Variants in ARL17A observed in about 807,000 individuals in gnomAD.
The protein encoded by ARL17A is ARF like GTPase 17A.
chr17:46,539,416 ATTT>A (rs926200262), intron 3 of ARL17A, among the ~76,000 whole-genome samples: 1 of 143,326 alleles, frequency 7.0e-6, no homozygotes, highest in South Asian at 2.2e-4. Context: ...AATTGGTCCT[ATTT>A]TTTTTTAACT....
chr17:46,525,693 G>A (rs2052648537), downstream of ARL17A, among the ~76,000 whole-genome samples: 1 of 117,638 alleles, frequency 8.5e-6, no homozygotes. Flanking sequence ...GGAAAACACT[G>A]GAATCACAGT....
At chr17:46,549,017 A>C, downstream of ARL17A, 1 of 1,612,356 alleles carries the variant, frequency 6.2e-7, no homozygotes, top group South Asian at 1.1e-5. Context: ...ACAAATACGA[A>C]GACGTCTAAA....
At chr17:46,551,311 A>ACAGGC (rs1447114555), downstream of ARL17A, among the ~76,000 whole-genome samples, 3 of 150,138 alleles carry the variant, frequency 2.0e-5, no homozygotes, top group African/African-American at 7.6e-5. Flanking sequence ...ACTTTTCCCA[A>ACAGGC]CAGGCCAGTG....
chr17:46,543,730 A>G (rs1598477866), intron 3 of ARL17A, among the ~76,000 whole-genome samples: 1 of 151,020 alleles, frequency 6.6e-6, no homozygotes, highest in African/African-American at 2.5e-5. Context: ...GATGAAAGTT[A>G]TACAGGTGTT....
At chr17:46,542,642 C>A (rs1306917214) in intron 3 of ARL17A, among the ~76,000 whole-genome samples, 1 of 150,396 alleles carries the variant, frequency 6.6e-6, no homozygotes. Context: ...TTGCAGTGAG[C>A]CAAGATGGCA....
rs1406763983 is a variant in ARL17A at position 46,545,278 on chromosome 17, A to C, written c.260-6852T>G. Among the ~76,000 whole-genome samples the C allele has an allele frequency of 1.4e-5, 2 of 142,720 alleles. 1 individual carries two copies. The highest frequency in any genetic ancestry group is 5.5e-5 in the African/African-American group (2 of 36,654). The allele number at this position is 142,720 out of a possible 152,430, so 93.6% of individuals were successfully genotyped here. On this transcript the variant is annotated intron_variant, in intron 3 of 4. Transcript: ENST00000329240. ...GAAACTCTGTCACTACTGAAAATACAAAAGTACAAAAAAAAAAAAAAAATT... is the reference window on the plus strand; with the variant it reads ...GAAACTCTGTCACTACTGAAAATACCAAAGTACAAAAAAAAAAAAAAAATT...
chr17:46,548,767 G>C, downstream of ARL17A: 1 of 1,611,372 alleles, frequency 6.2e-7, no homozygotes, highest in Non-Finnish European at 8.5e-7. Flanking sequence ...CGGGAGTCCA[G>C]CCCCAAGGGA....
At chr17:46,541,894 C>T (rs4278787) in intron 3 of ARL17A, among the ~76,000 whole-genome samples, 7 of 149,290 alleles carry the variant, frequency 4.7e-5, no homozygotes, top group African/African-American at 1.0e-4. Flanking sequence ...CTGCAGACAC[C>T]GAGGGACAAC....
intron 3 of ARL17A, among the ~76,000 whole-genome samples, chr17:46,545,256 A>C (rs1598489197): frequency 1.4e-5 from 2 of 138,706 alleles, no homozygotes; most frequent in Admixed American, 7.1e-5. Flanking sequence ...ACATGGGGAA[A>C]CTCTGTCACT....
intron 2 of ARL17A, among the ~76,000 whole-genome samples, chr17:46,575,297 T>C (rs1418759053): frequency 6.7e-6 from 1 of 148,858 alleles, no homozygotes; most frequent in African/African-American, 2.5e-5. Context: ...TAAAACACAG[T>C]GCTGGTTCAC....
downstream of ARL17A, among the ~76,000 whole-genome samples, chr17:46,526,418 A>C (rs1344621987): frequency 1.5e-4 from 15 of 102,764 alleles, 5 homozygotes; most frequent in Middle Eastern, 5.4e-3. Flanking sequence ...GCTGTGGTTG[A>C]TCGATGATGA....
At chr17:46,558,007 T>C (rs1487746749) in intron 3 of ARL17A, among the ~76,000 whole-genome samples, 2 of 136,602 alleles carry the variant, frequency 1.5e-5, no homozygotes, top group Non-Finnish European at 3.1e-5. Flanking sequence ...TTAGCCCTCA[T>C]TGAAAAAGGC....
At position 46,558,032 on chromosome 17, in the gene ARL17A, T is replaced by C. The variant is rs147668801; in HGVS notation, c.260-402A>G. On this transcript the variant is annotated intron_variant, in intron 3 of 3. Transcript: ENST00000336125. ...TTGAAAAAGGCTGCCAGAGAAAAGA[T>C]ATCCACAGGGAAATTCAGGAGTTTT... Among the ~76,000 whole-genome samples, 450 of 139,192 alleles carry C rather than the reference T, an allele frequency of 3.2e-3. 83 individuals carry two copies. The highest frequency in any genetic ancestry group is 0.012 in the African/African-American group (435 of 36,838). 91.3% of individuals were successfully genotyped at this position (139,192 alleles called of 152,430 possible).
downstream of ARL17A, chr17:46,548,551 T>C (rs779827761): frequency 6.7e-7 from 1 of 1,485,372 alleles, no homozygotes; most frequent in Non-Finnish European, 9.1e-7. Flanking sequence ...GAAATCACTG[T>C]TACTACCGTT....
intron 3 of ARL17A, chr17:46,540,116 T>A: frequency 6.4e-7 from 1 of 1,574,638 alleles, no homozygotes; most frequent in Non-Finnish European, 8.5e-7. Flanking sequence ...GAATGTAAAC[T>A]TTTCATGCAG....
At chr17:46,541,495 G>T (rs1417657815) in intron 3 of ARL17A, among the ~76,000 whole-genome samples, 2 of 149,854 alleles carry the variant, frequency 1.3e-5, no homozygotes, top group Non-Finnish European at 2.9e-5. Flanking sequence ...CAAGTGATCC[G>T]CCTGCCTCAG....
intron 3 of ARL17A, among the ~76,000 whole-genome samples, chr17:46,543,898 C>T (rs1251091195): frequency 6.7e-6 from 1 of 148,728 alleles, no homozygotes; most frequent in African/African-American, 2.6e-5. Flanking sequence ...GAGAGGGTTG[C>T]TTGTGCCCAG....
chr17:46,519,113 T>G (rs2941963), intron 3 of ARL17A, among the ~76,000 whole-genome samples: 21 of 128,724 alleles, frequency 1.6e-4, no homozygotes, highest in African/African-American at 6.3e-4. Context: ...GCAGGAGAAT[T>G]GCTTTATTTA....
chr17:46,575,045 G>A (rs566828438), intron 2 of ARL17A, among the ~76,000 whole-genome samples: 3 of 80,806 alleles, frequency 3.7e-5, no homozygotes, highest in South Asian at 9.7e-4. Context: ...GTAGTGAGCC[G>A]AGATCGCGCC....
Sources: allele counts gnomAD v4.1 joint callset (sites outside exome capture counted in the v4.1 genomes callset), GRCh38; gene constraint gnomAD v4.1.1; transcripts MANE v1.5; gene names NCBI Gene and HGNC (gene_info 2026-07-23, HGNC 2026-07-21).